The following ARHGEF10 variants were observed in gnomAD, a reference collection of about 807,000 sequenced individuals.
The protein encoded by ARHGEF10 is Rho guanine nucleotide exchange factor 10.
Under a neutral mutation model 147.4 loss-of-function variants are expected in ARHGEF10, and 140 were observed. That is an observed-to-expected ratio of 0.95 (90% CI 0.83 to 1.09). ARHGEF10 has a LOEUF of 1.09. Ranked by LOEUF, ARHGEF10 falls within the 50% of genes least tolerant of loss-of-function variation. The probability of loss-of-function intolerance (pLI) is 0.00; values close to 1 mark genes in which losing one functional copy is unlikely to be tolerated. For missense variants in ARHGEF10, 2,222 were observed against 1,752.7 expected (o/e 1.27, Z -4.78); for synonymous variants, 902 against 695.8 (o/e 1.30, Z -4.67).
chr8:1,922,817 G>A, intron 18 of ARHGEF10, 147 bp from the exon 19 acceptor site: 1 of 633,800 alleles, frequency 1.6e-6, no homozygotes, highest in Non-Finnish European at 2.7e-6. Flanking sequence ...ACCACTAAAT[G>A]CTTGAAAATG....
intron 8 of ARHGEF10, among the ~76,000 whole-genome samples, chr8:1,879,168 A>G (rs1200781214): frequency 6.6e-6 from 1 of 152,206 alleles, no homozygotes; most frequent in Non-Finnish European, 1.5e-5. Context: ...AAATGCCCCG[A>G]GACGAGCCAG....
At chr8:1,894,188 A>T (rs529278509) in intron 12 of ARHGEF10, among the ~76,000 whole-genome samples, 286 of 151,402 alleles carry the variant, frequency 1.9e-3, no homozygotes, top group African/African-American at 6.8e-3. Flanking sequence ...AAAAAAAAGA[A>T]AAATGTCTGA....
intron 9 of ARHGEF10, 74 bp downstream of exon 9, chr8:1,880,238 T>A: frequency 9.7e-7 from 1 of 1,027,220 alleles, no homozygotes; most frequent in South Asian, 1.3e-5. Context: ...GCTCGGTCGG[T>A]CCTTGCTGTC....
chr8:1,878,481 G>A (rs938851024), intron 8 of ARHGEF10, among the ~76,000 whole-genome samples: 3 of 152,146 alleles, frequency 2.0e-5, no homozygotes, highest in Admixed American at 6.5e-5. Context: ...CACTGCACCC[G>A]GCCTGCAATT....
chr8:1,928,620 C>T lies in ARHGEF10; in HGVS notation c.2891C>T (p.Pro964Leu), dbSNP rs777475966. 11 of 1,614,084 alleles carry T rather than the reference C, an allele frequency of 6.8e-6. No individual in the cohort carries two copies. The African/African-American group carries it at 1.5e-4, about 22-fold the overall frequency. Residue 964 changes from proline (P) to leucine (L), a missense_variant, in exon 24 of 29, where the codon CCC (proline) becomes CTC (leucine). Pro to Leu is a moderately conservative substitution (Grantham distance 98). Transcript: ENST00000349830. ...ETPAVRASDVPTICVGTEEGS... is the reference protein window; with the variant it reads ...ETPAVRASDVLTICVGTEEGS... The stretch of plus-strand genomic sequence containing the variant: ...CCGGCCGTGAGAGCTTCTGATGTCC[C>T]CACGATCTGTGTAGGGACGGAGGAG...
intron 25 of ARHGEF10, among the ~76,000 whole-genome samples, chr8:1,930,336 C>G (rs544189058): frequency 6.6e-6 from 1 of 152,118 alleles, no homozygotes; most frequent in African/African-American, 2.4e-5. Context: ...GAGACCATGT[C>G]CCAGCTCACT....
intron 7 of ARHGEF10, chr8:1,870,276 G>T (rs1189165011): frequency 7.9e-6 from 1 of 127,362 alleles, no homozygotes; most frequent in Non-Finnish European, 1.6e-5. Context: ...GATTGGTCCA[G>T]TTTGCGTTTT....
intron 2 of ARHGEF10, among the ~76,000 whole-genome samples, chr8:1,846,830 G>A (rs917780853): frequency 2.6e-5 from 4 of 152,204 alleles, no homozygotes; most frequent in Non-Finnish European, 4.4e-5. Flanking sequence ...GCCCACGTTG[G>A]CCTCCGAAAG....
At chr8:1,934,121 G>C (rs1813376715) in intron 26 of ARHGEF10, among the ~76,000 whole-genome samples, 179 bp downstream of exon 26, 1 of 152,178 alleles carries the variant, frequency 6.6e-6, no homozygotes, top group Non-Finnish European at 1.5e-5. Context: ...GACTGTTTGA[G>C]CTCAGGAGTT....
At chr8:1,884,740 C>G (rs1008661084) in intron 10 of ARHGEF10, among the ~76,000 whole-genome samples, 8 of 152,170 alleles carry the variant, frequency 5.3e-5, no homozygotes, top group African/African-American at 1.9e-4. Flanking sequence ...ATGTAGTTAG[C>G]TGTGTTTTAA....
chr8:1,866,679 A>T, intron 6 of ARHGEF10, 77 bp downstream of exon 6: 1 of 1,300,032 alleles, frequency 7.7e-7, no homozygotes, highest in Non-Finnish European at 1.1e-6. Context: ...CGGGTCCCTG[A>T]GTCTCAGGTC....
intron 2 of ARHGEF10, among the ~76,000 whole-genome samples, chr8:1,846,954 G>C (rs895196607): frequency 6.6e-6 from 1 of 152,164 alleles, no homozygotes; most frequent in South Asian, 2.1e-4. Flanking sequence ...GCTGCTGCTC[G>C]TTTTTCGTAA....
intron 24 of ARHGEF10, 62 bp downstream of exon 24, chr8:1,928,712 G>A (rs1251726617): frequency 2.4e-5 from 37 of 1,573,244 alleles, no homozygotes; most frequent in Non-Finnish European, 3.0e-5. Flanking sequence ...GGCGTGGTGG[G>A]GAGCCTGTCC....
chr8:1,853,140 C>T (rs190934690), intron 2 of ARHGEF10, among the ~76,000 whole-genome samples: 17 of 152,312 alleles, frequency 1.1e-4, no homozygotes, highest in South Asian at 2.1e-4. Flanking sequence ...GCTGCACTGC[C>T]GTCTGTGTTT....
chr8:1,882,671 A>G lies in ARHGEF10; in HGVS notation c.997A>G (p.Lys333Glu). The change falls in exon 10 of 29, where the codon AAG (lysine) becomes GAG (glutamate). Residue 333 changes from lysine (K) to glutamate (E), a missense_variant. By Grantham distance (56) the Lys-to-Glu change is moderately conservative. Transcript: ENST00000349830. ...CGTGAAGGCCGCGAAGGACGGCACCAAGGACGGGCTGGAGAGGACCAGGGC... is the reference window on the plus strand; with the variant it reads ...CGTGAAGGCCGCGAAGGACGGCACCGAGGACGGGCTGGAGAGGACCAGGGC... ...KLVKAAKDGT[K>E]DGLERTRAAV... 6.4e-7 allele frequency: 1 copy of G among 1,556,432 alleles called. No homozygotes were observed. The highest frequency in any genetic ancestry group is 8.7e-7 in the Non-Finnish European group (1 of 1,149,392).
At chr8:1,911,525 G>A (rs1351281152) in intron 18 of ARHGEF10, among the ~76,000 whole-genome samples, 8 of 152,162 alleles carry the variant, frequency 5.3e-5, no homozygotes, top group Non-Finnish European at 1.2e-4. Context: ...AATTCTCTGG[G>A]GCTTTTTTCC....
At chr8:1,947,386 A>G (rs1814678584) in intron 27 of ARHGEF10, among the ~76,000 whole-genome samples, 1 of 152,206 alleles carries the variant, frequency 6.6e-6, no homozygotes, top group South Asian at 2.1e-4. Context: ...AGCCACGGAA[A>G]TGCAGCGGCC....
chr8:1,879,925 C>T (rs1311549431), intron 8 of ARHGEF10, 123 bp from the exon 9 acceptor site: 4 of 782,462 alleles, frequency 5.1e-6, no homozygotes, highest in East Asian at 2.4e-5. Flanking sequence ...GTCCCAGAAG[C>T]CCCCAGCCAG....
At chr8:1,893,272 A>G (rs1472802160) in intron 11 of ARHGEF10, among the ~76,000 whole-genome samples, 2 of 152,202 alleles carry the variant, frequency 1.3e-5, no homozygotes, top group Admixed American at 6.5e-5. Flanking sequence ...ATAAAATACA[A>G]TCTGTTAATT....
Sources: allele counts gnomAD v4.1 joint callset (sites outside exome capture counted in the v4.1 genomes callset), GRCh38; gene constraint gnomAD v4.1.1; transcripts MANE v1.5; gene names NCBI Gene and HGNC (gene_info 2026-07-23, HGNC 2026-07-21).